The following PTPRC variants were observed in gnomAD, a reference collection of about 807,000 sequenced individuals.
PTPRC encodes receptor-type tyrosine-protein phosphatase C.
Under a neutral mutation model 155.9 loss-of-function variants are expected in PTPRC, and 44 were observed. The observed-to-expected ratio is 0.28, with a 90% CI of 0.22 to 0.36. The LOEUF (loss-of-function observed/expected upper bound fraction) is 0.36, where lower values mean the gene tolerates loss of function less well. Ranked by LOEUF, PTPRC falls within the 10% of genes least tolerant of loss-of-function variation. The probability of loss-of-function intolerance (pLI) is 1.00; values close to 1 mark genes in which losing one functional copy is unlikely to be tolerated. For missense variants in PTPRC, 1,401 were observed against 1,564.6 expected, an observed-to-expected ratio of 0.90 and a Z score of 1.76; for synonymous variants, 525 against 533.1, an observed-to-expected ratio of 0.98 and a Z score of 0.21.
intron 4 of PTPRC, among the ~76,000 whole-genome samples, chr1:198,697,991 T>A (rs1042714651): frequency 2.0e-5 from 3 of 152,188 alleles, no homozygotes; most frequent in Non-Finnish European, 4.4e-5. Context: ...TGTAAAAATT[T>A]GAACACATTG....
At chr1:198,715,923 G>C (rs1376261811) in intron 12 of PTPRC, among the ~76,000 whole-genome samples, 11 of 151,958 alleles carry the variant, frequency 7.2e-5, no homozygotes, top group Non-Finnish European at 1.5e-4. Flanking sequence ...GCAGCAGCTG[G>C]TGATTTTTTT....
At chr1:198,737,682 T>C (rs1433659385) in intron 23 of PTPRC, among the ~76,000 whole-genome samples, 4 of 151,792 alleles carry the variant, frequency 2.6e-5, no homozygotes, top group Non-Finnish European at 5.9e-5. Context: ...AGGATTATTT[T>C]TTCTATTTGT....
At chr1:198,698,212 T>C (rs1666296735) in intron 4 of PTPRC, among the ~76,000 whole-genome samples, 1 of 152,178 alleles carries the variant, frequency 6.6e-6, no homozygotes, top group Non-Finnish European at 1.5e-5. Context: ...ACTTAAGCCA[T>C]AAATTTACAG....
Position 198,708,239 on chromosome 1 carries a change from T to G in PTPRC, c.1011T>G (p.Asn337Lys), listed in dbSNP as rs778005183. The change falls in exon 10 of 33, where the codon AAT (asparagine) becomes AAG (lysine). Residue 337 changes from asparagine to lysine, a missense_variant. Asn to Lys is a moderately conservative substitution (Grantham distance 94). Coordinates refer to ENST00000442510, the MANE Select transcript of PTPRC (RefSeq NM_002838.5). Reference sequence around the variant, plus strand: ...AAACCTTTACTTGTGATACACAGAATATTACCTACAGATTTCAGTGTGGTA... The same window carrying G: ...AAACCTTTACTTGTGATACACAGAAGATTACCTACAGATTTCAGTGTGGTA... Reference protein sequence around the residue: ...NIETFTCDTQNITYRFQCGNM... With the variant: ...NIETFTCDTQKITYRFQCGNM... The G allele has an allele frequency of 9.3e-6, 15 of 1,607,856 alleles. No homozygotes were observed. The highest frequency in any genetic ancestry group is 1.3e-5 in the African/African-American group (1 of 74,774).
At chr1:198,713,142 T>C (rs1653397813) in intron 12 of PTPRC, 70 bp downstream of exon 12, 3 of 1,603,090 alleles carry the variant, frequency 1.9e-6, no homozygotes, top group Non-Finnish European at 2.6e-6. Flanking sequence ...GAAATTTTTA[T>C]TGAGCCAGTG....
Position 198,756,321 on chromosome 1 carries a change from A to G in PTPRC, c.*140A>G. On this transcript the variant is annotated 3_prime_UTR_variant, in exon 33 of 33. Transcript: ENST00000442510. Reference sequence around the variant, plus strand: ...ATTTGTAGAAGGGTTATATTTTACTACTGTGGAAAAATATTTAAGATAGTT... The same window carrying G: ...ATTTGTAGAAGGGTTATATTTTACTGCTGTGGAAAAATATTTAAGATAGTT... 1 of 1,105,922 alleles carries G rather than the reference A, an allele frequency of 9.0e-7. No homozygotes were observed. Among genetic ancestry groups the G allele is most frequent in the Non-Finnish European group, 1.3e-6 (1 of 774,310 alleles). 68.5% of individuals were successfully genotyped at this position (1,105,922 alleles called of 1,614,324 possible).
chr1:198,697,019 G>A, intron 4 of PTPRC, 110 bp downstream of exon 4: 1 of 1,063,204 alleles, frequency 9.4e-7, no homozygotes, highest in Non-Finnish European at 1.5e-6. Context: ...CTAAGTATGT[G>A]ATTTTATTCA....
rs1389586846 is a variant in PTPRC at position 198,735,128 on chromosome 1, A to G, written c.2279A>G (p.Asn760Ser). ...ACTTAATAATTTTTTAAAATGTAGA[A>G]CAAGTGTGCAGAATACTGGCCGTCA... ...MVTRCEEGNR[N>S]KCAEYWPSME... is the part of the protein sequence containing the mutation. The change falls in exon 23 of 33, where the codon AAC (asparagine) becomes AGC (serine). Residue 760 changes from asparagine (N) to serine (S), a missense_variant and splice_region_variant. Physicochemically the swap from Asn to Ser is conservative, Grantham distance 46 (BLOSUM62 1). Around this residue, in one of 3 missense-constraint regions of PTPRC, gnomAD observed 867 missense variants for 970.4 expected, o/e 0.89. Transcript: ENST00000442510. 9 of 1,596,364 alleles carry G rather than the reference A, an allele frequency of 5.6e-6. No individual in the cohort carries two copies. Among genetic ancestry groups the G allele is most frequent in the South Asian group, 1.1e-5 (1 of 87,344 alleles).
intron 2 of PTPRC, among the ~76,000 whole-genome samples, chr1:198,672,888 A>G (rs1327294345): frequency 6.6e-6 from 1 of 152,092 alleles, no homozygotes; most frequent in Non-Finnish European, 1.5e-5. Flanking sequence ...GGGATTAATC[A>G]CCTACTGAAA....
In PTPRC at chr1:198,734,187, T is replaced by C; in HGVS notation, c.2143-9T>C. On this transcript the variant is annotated splice_polypyrimidine_tract_variant and intron_variant, in intron 20 of 32. Coordinates refer to ENST00000442510, the MANE Select transcript of PTPRC (RefSeq NM_002838.5). Reference sequence around the variant, plus strand: ...GCAAATGACATATCTCTGCATGTGTTTTCAATAGGGTTTCAAAGAACCCAG... The same window carrying C: ...GCAAATGACATATCTCTGCATGTGTCTTCAATAGGGTTTCAAAGAACCCAG... 1 of 1,609,118 alleles carries C rather than the reference T, an allele frequency of 6.2e-7. No individual in the cohort carries two copies. The highest frequency in any genetic ancestry group is 1.1e-5 in the South Asian group (1 of 90,912).
intron 14 of PTPRC, among the ~76,000 whole-genome samples, chr1:198,720,302 T>A (rs1653824511): frequency 6.6e-6 from 1 of 152,284 alleles, no homozygotes; most frequent in East Asian, 1.9e-4. Flanking sequence ...ATGTTCCTGT[T>A]TTTCTGTATC....
At chr1:198,663,257 A>C (rs1664086798) in intron 2 of PTPRC, among the ~76,000 whole-genome samples, 1 of 152,214 alleles carries the variant, frequency 6.6e-6, no homozygotes, top group Non-Finnish European at 1.5e-5. Context: ...CATTCTTTTC[A>C]GTGCGTTAAT....
intron 29 of PTPRC, among the ~76,000 whole-genome samples, chr1:198,751,182 A>C (rs1426081836): frequency 1.3e-5 from 2 of 152,054 alleles, no homozygotes; most frequent in African/African-American, 2.4e-5. Context: ...ACTCCTGAAA[A>C]ATGTATCTAT....
At chr1:198,713,712 G>C (rs1256337811) in intron 12 of PTPRC, among the ~76,000 whole-genome samples, 1 of 152,148 alleles carries the variant, frequency 6.6e-6, no homozygotes, top group Non-Finnish European at 1.5e-5. Context: ...TATCTAAATT[G>C]TTTGTAGAAA....
chr1:198,703,458 C>T (rs775456406), intron 7 of PTPRC, 86 bp downstream of exon 7: 33 of 1,599,604 alleles, frequency 2.1e-5, no homozygotes, highest in East Asian at 8.9e-5. Context: ...CACTCTACCT[C>T]GGGCTCCTTT....
chr1:198,751,689 C>T (rs1483858361), intron 29 of PTPRC, among the ~76,000 whole-genome samples: 2 of 151,996 alleles, frequency 1.3e-5, no homozygotes, highest in Non-Finnish European at 1.5e-5. Flanking sequence ...TGGTAGACAA[C>T]AGTTTGTAGT....
chr1:198,717,967 A>G lies in PTPRC; in HGVS notation c.1451-127A>G, dbSNP rs1653675679. On this transcript the variant is annotated intron_variant, in intron 13 of 32. Transcript: ENST00000442510. ...ATTGTTTTTTAATTTATGTACTATC[A>G]TAACTTCCTTATTTATAACCCCCAA... 1.0e-5 allele frequency: 8 copies of G among 792,604 alleles called. No individual in the cohort carries two copies. The South Asian group carries it at 1.2e-4, about 12-fold the overall frequency. The allele number at this position is 792,604 out of a possible 1,614,324, so 49.1% of individuals were successfully genotyped here.
intron 2 of PTPRC, among the ~76,000 whole-genome samples, chr1:198,649,430 G>A (rs1663119676): frequency 1.3e-5 from 2 of 151,850 alleles, no homozygotes; most frequent in African/African-American, 4.8e-5. Context: ...AGGAAGTGGT[G>A]ATATGAAGGA....
At chr1:198,734,952 G>A (rs1056339298) in intron 22 of PTPRC, among the ~76,000 whole-genome samples, 175 bp from the exon 23 acceptor site, 2 of 151,650 alleles carry the variant, frequency 1.3e-5, no homozygotes, top group African/African-American at 2.4e-5. Flanking sequence ...ACACATTAGT[G>A]GGAAATAGAA....
Sources: allele counts gnomAD v4.1 joint callset (sites outside exome capture counted in the v4.1 genomes callset), GRCh38; gene constraint gnomAD v4.1.1; regional missense constraint gnomAD v4.1.1; transcripts MANE v1.5; gene names NCBI Gene and HGNC (gene_info 2026-07-23, HGNC 2026-07-21).